Variants in CDK12 observed in about 807,000 individuals in gnomAD.
CDK12 encodes the protein cyclin-dependent kinase 12.
CDK12 carries 17 observed loss-of-function variants against 133.8 expected under a neutral mutation model. The observed-to-expected ratio is 0.13, with a 90% CI of 0.09 to 0.19. The LOEUF (loss-of-function observed/expected upper bound fraction) is 0.19. CDK12 is among the 10% of genes least tolerant of loss of function. The pLI is 1.00. For synonymous variants in CDK12, 694 were observed against 683.6 expected (o/e 1.02, Z -0.24); for missense variants, 1,508 against 1,818.7 (o/e 0.83, Z 3.11).
rs2054070235 is a variant in CDK12 at position 39,520,068 on chromosome 17, A to G, written c.3076A>G (p.Ser1026Gly). 1 of 1,613,978 alleles carries G rather than the reference A, an allele frequency of 6.2e-7. No homozygotes were observed. ...CGACTTCCTTAAAGATGTCGAACTC[A>G]GCAAAATGGCTCCTCCAGAGTAAGT... ...QSDFLKDVEL[S>G]KMAPPDLPHW... is the part of the protein sequence containing the mutation. Residue 1026 changes from serine to glycine, a missense_variant, in exon 11 of 14, where the codon AGC becomes GGC. Ser to Gly is a moderately conservative substitution (Grantham distance 56). Around this residue, in one of 9 missense-constraint regions of CDK12, gnomAD observed 399 missense variants for 469.6 expected, o/e 0.85. Transcript: ENST00000447079.
At chr17:39,534,587 TG>T (rs1368541909), downstream of CDK12, 20 of 227,206 alleles carry the variant, frequency 8.8e-5, no homozygotes, top group Middle Eastern at 1.3e-3. Flanking sequence ...CTGTACCCCC[TG>T]AGCATATCTA....
chr17:39,517,363 T>C, intron 9 of CDK12, 77 bp from the exon 10 acceptor site: 1 of 822,560 alleles, frequency 1.2e-6, no homozygotes, highest in Non-Finnish European at 2.1e-6. Flanking sequence ...GAGGTAATAA[T>C]TTCTGCTTCT....
chr17:39,486,443 T>C (rs2051140498), intron 2 of CDK12, among the ~76,000 whole-genome samples: 1 of 151,570 alleles, frequency 6.6e-6, no homozygotes, highest in African/African-American at 2.4e-5. Flanking sequence ...CTTTGTTTAT[T>C]TTTTTTAGAG....
intron 11 of CDK12, among the ~76,000 whole-genome samples, chr17:39,522,573 A>C (rs2054246735): frequency 6.6e-6 from 1 of 152,002 alleles, no homozygotes; most frequent in South Asian, 2.1e-4. Context: ...TAGCTGGATT[A>C]CAGGAGCCCG....
chr17:39,516,634 G>A (rs1442040981), intron 9 of CDK12, among the ~76,000 whole-genome samples: 2 of 149,384 alleles, frequency 1.3e-5, no homozygotes, highest in East Asian at 3.9e-4. Flanking sequence ...TTACACACGT[G>A]AGCCACCACA....
intron 2 of CDK12, among the ~76,000 whole-genome samples, chr17:39,486,558 G>C (rs1381878112): frequency 1.3e-5 from 2 of 152,032 alleles, no homozygotes; most frequent in Admixed American, 6.6e-5. Flanking sequence ...GAGTCACCAT[G>C]CTCAGCCTGA....
chr17:39,481,098 A>C (rs556954920), intron 2 of CDK12, among the ~76,000 whole-genome samples: 4 of 152,070 alleles, frequency 2.6e-5, no homozygotes, highest in African/African-American at 9.6e-5. Context: ...TACTAAAAGT[A>C]CAAAATAAGC....
chr17:39,525,096 T>TTC (rs2054415534), intron 12 of CDK12, among the ~76,000 whole-genome samples: 1 of 152,340 alleles, frequency 6.6e-6, no homozygotes, highest in Non-Finnish European at 1.5e-5. Context: ...TCATTTTCCT[T>TTC]TCCTGAAATA....
chr17:39,559,151 A>T (rs1309714690), intron 3 of CDK12, among the ~76,000 whole-genome samples: 1 of 152,224 alleles, frequency 6.6e-6, no homozygotes, highest in African/African-American at 2.4e-5. Flanking sequence ...TAATCTATCA[A>T]GGCTTTTAAA....
At chr17:39,491,125 G>C (rs945544750) in intron 3 of CDK12, among the ~76,000 whole-genome samples, 2 of 152,052 alleles carry the variant, frequency 1.3e-5, no homozygotes, top group African/African-American at 4.8e-5. Context: ...CATATAAATT[G>C]TCATGCCATA....
At chr17:39,545,098 C>T (rs1473673228), upstream of CDK12, among the ~76,000 whole-genome samples, 4 of 152,104 alleles carry the variant, frequency 2.6e-5, no homozygotes, top group African/African-American at 9.7e-5. Flanking sequence ...TCCTCTTGTC[C>T]AGCTGTGCTA....
At chr17:39,554,893 CAAAAAA>C (rs11367982) in intron 2 of CDK12, among the ~76,000 whole-genome samples, 3 of 87,342 alleles carry the variant, frequency 3.4e-5, no homozygotes, top group Admixed American at 1.2e-4. Context: ...GACTCCGTCT[CAAAAAA>C]AAAAAAAAAA....
intron 13 of CDK12, chr17:39,530,100 T>G (rs2054737230): frequency 6.5e-6 from 1 of 153,852 alleles, no homozygotes; most frequent in Middle Eastern, 3.4e-3. Context: ...CTATATATTC[T>G]TTAAGTTTTA....
chr17:39,488,576 A>G (rs991300251), intron 2 of CDK12, among the ~76,000 whole-genome samples: 1 of 151,980 alleles, frequency 6.6e-6, no homozygotes, highest in African/African-American at 2.4e-5. Context: ...CTAAAATACT[A>G]TTTCTTTTTT....
At chr17:39,480,302 C>T (rs926923101) in intron 2 of CDK12, among the ~76,000 whole-genome samples, 4 of 141,344 alleles carry the variant, frequency 2.8e-5, no homozygotes, top group Admixed American at 7.1e-5. Context: ...CTTACTTTGT[C>T]GTCCAGGCTG....
downstream of CDK12, among the ~76,000 whole-genome samples, chr17:39,566,580 C>G (rs2056582943): frequency 6.6e-6 from 1 of 152,198 alleles, no homozygotes; most frequent in Non-Finnish European, 1.5e-5. Flanking sequence ...CCGCCATACC[C>G]CCCTTCTCTG....
At chr17:39,510,266 C>T (rs1211636454) in intron 7 of CDK12, among the ~76,000 whole-genome samples, 1 of 151,410 alleles carries the variant, frequency 6.6e-6, no homozygotes, top group African/African-American at 2.4e-5. Context: ...ATTACAGGTG[C>T]CCGCCACTAC....
At chr17:39,497,945 T>G (rs760533476) in intron 5 of CDK12, among the ~76,000 whole-genome samples, 23 of 152,102 alleles carry the variant, frequency 1.5e-4, no homozygotes, top group Non-Finnish European at 2.9e-4. Flanking sequence ...TTGGGTCTTC[T>G]CTATGTTACC....
chr17:39,550,250 G>A (rs1365763961), exon 1 of CDK12: 2 of 152,190 alleles, frequency 1.3e-5, no homozygotes, highest in African/African-American at 4.8e-5. Context: ...GCCACTGGGT[G>A]CGGTTACCGG....
Sources: allele counts gnomAD v4.1 joint callset (sites outside exome capture counted in the v4.1 genomes callset), GRCh38; gene constraint gnomAD v4.1.1; regional missense constraint gnomAD v4.1.1; transcripts MANE v1.5; gene names NCBI Gene and HGNC (gene_info 2026-07-23, HGNC 2026-07-21).